WWOX: variants seen among roughly 807,000 people sequenced by gnomAD.
WWOX encodes the protein WW domain containing oxidoreductase, also known as WW domain-containing oxidoreductase.
Under a neutral mutation model 46.2 loss-of-function variants are expected in WWOX, and 69 were observed. That is an observed-to-expected ratio of 1.49 (90% confidence interval 1.23 to 1.82). WWOX has a LOEUF of 1.82. Ranked by LOEUF, WWOX falls within the 40% of genes most tolerant of loss-of-function variation. WWOX has a pLI of 0.00. For missense variants in WWOX, 919 were observed against 542.6 expected (o/e 1.69, Z -6.89); for synonymous variants, 359 against 202.6 (o/e 1.77, Z -6.56).
At chr16:79,057,939 G>A (rs912855203) in intron 8 of WWOX, among the ~76,000 whole-genome samples, 1 of 151,912 alleles carries the variant, frequency 6.6e-6, no homozygotes, top group Non-Finnish European at 1.5e-5. Context: ...ATTATCAGTG[G>A]CCAAATCATT....
rs534243485 is a variant in WWOX, at chr16:79,191,220, A to AT, written c.1057-20380dup. Among the ~76,000 whole-genome samples the AT allele has an allele frequency of 3.6e-3, 552 of 151,390 alleles. 2 individuals are homozygous for AT. Among genetic ancestry groups the AT allele is most frequent in the African/African-American group, 0.012 (486 of 41,342 alleles). On this transcript the variant is annotated intron_variant, in intron 8 of 8. Transcript: ENST00000566780. ...AGGCACCTGCCACCACACCTGGCTA[A>AT]TTTTTTTTGTATTTTAGCAGAGACA...
At chr16:78,934,020 C>T (rs372235114) in intron 8 of WWOX, among the ~76,000 whole-genome samples, 6 of 151,706 alleles carry the variant, frequency 4.0e-5, no homozygotes, top group East Asian at 3.9e-4. Context: ...ATAGAGACAC[C>T]GTCTCTCAAA....
chr16:78,773,065 A>G lies in WWOX; in HGVS notation c.1056+340313A>G, dbSNP rs140185055. Among the ~76,000 whole-genome samples, 832 of 152,242 alleles carry G rather than the reference A, an allele frequency of 5.5e-3. 7 individuals are homozygous for G. Among genetic ancestry groups the G allele is most frequent in the South Asian group, 0.02 (95 of 4,820 alleles). ...AAACAAACAAACAAAAGAAACAAACAAACAAACAAAAAGAAATTAGGTAAC... is the reference window on the plus strand; with the variant it reads ...AAACAAACAAACAAAAGAAACAAACGAACAAACAAAAAGAAATTAGGTAAC... On this transcript the variant is annotated intron_variant, in intron 8 of 8. Transcript: ENST00000566780.
chr16:79,032,728 C>G lies in WWOX; in HGVS notation c.1057-178880C>G, dbSNP rs970329398. Among the ~76,000 whole-genome samples, 6 of 151,188 alleles carry G rather than the reference C, an allele frequency of 4.0e-5. No homozygotes were observed. The East Asian group carries it at 7.7e-4, about 19-fold the overall frequency. On this transcript the variant is annotated intron_variant, in intron 8 of 8. Transcript: ENST00000566780. ...AACTTTCTTGAACTCCTGAACCAGC[C>G]TTAGATTGCCTAGTACCAGGGTTCT...
At chr16:78,941,773 GGTA>G (rs1291261056) in intron 8 of WWOX, among the ~76,000 whole-genome samples, 1 of 152,014 alleles carries the variant, frequency 6.6e-6, no homozygotes, top group Non-Finnish European at 1.5e-5. Context: ...TTTTAAAAAA[GGTA>G]TCATAATCAA....
At chr16:78,870,585 C>G (rs2044105264) in intron 8 of WWOX, among the ~76,000 whole-genome samples, 1 of 152,008 alleles carries the variant, frequency 6.6e-6, no homozygotes. Context: ...TCTTCTCACC[C>G]CTACCAATGT....
chr16:79,043,703 C>T (rs2048014274), intron 8 of WWOX, among the ~76,000 whole-genome samples: 1 of 152,158 alleles, frequency 6.6e-6, no homozygotes, highest in Non-Finnish European at 1.5e-5. Flanking sequence ...ATAGACTGGG[C>T]AGAGGAAGAT....
chr16:79,102,208 A>G (rs1810383997), intron 8 of WWOX, among the ~76,000 whole-genome samples: 1 of 152,142 alleles, frequency 6.6e-6, no homozygotes, highest in Non-Finnish European at 1.5e-5. Flanking sequence ...ATCTTTCTGA[A>G]AGATAACTTG....
At chr16:78,299,796 T>TG (rs1468434061) in intron 5 of WWOX, among the ~76,000 whole-genome samples, 1 of 152,132 alleles carries the variant, frequency 6.6e-6, no homozygotes, top group Non-Finnish European at 1.5e-5. Context: ...CCCAAAGTGC[T>TG]GGGATTACAG....
rs1212321166 is a variant in WWOX at position 78,337,972 on chromosome 16, C to G, written c.517-48888C>G. ...CATCAGTAAGAGACCTCACAAGATG[C>G]TTTATCAGGTCACTTGGCAACCAAG... On this transcript the variant is annotated intron_variant, in intron 5 of 8. Coordinates refer to ENST00000566780, the MANE Select transcript of WWOX (RefSeq NM_016373.4). 7.5e-5 allele frequency among the ~76,000 whole-genome samples: 9 copies of G among 119,994 alleles called. 2 individuals are homozygous for G. 78.7% of individuals were successfully genotyped at this position (119,994 alleles called of 152,430 possible).
Position 78,344,482 on chromosome 16 carries a change from G to C in WWOX, c.517-42378G>C, listed in dbSNP as rs118011799. Among the ~76,000 whole-genome samples the C allele has an allele frequency of 3.3e-5, 4 of 120,946 alleles. 1 individual carries two copies. The highest frequency in any genetic ancestry group is 1.9e-4 in the East Asian group (1 of 5,158). 79.3% of individuals were successfully genotyped at this position (120,946 alleles called of 152,430 possible). ...TCTTATGTTTCTGCTTAGATGGCTG[G>C]GTCTATACCAGGGTTTATTTAAATG... On this transcript the variant is annotated intron_variant, in intron 5 of 8. Transcript: ENST00000566780.
chr16:78,788,304 A>G (rs772632923), intron 8 of WWOX, among the ~76,000 whole-genome samples: 5 of 151,668 alleles, frequency 3.3e-5, no homozygotes, highest in Admixed American at 6.5e-5. Flanking sequence ...CCCTTGTTGC[A>G]GTCTATTGTT....
intron 8 of WWOX, among the ~76,000 whole-genome samples, chr16:78,914,878 CAGAAAA>C (rs2045209128): frequency 1.5e-5 from 1 of 65,678 alleles, no homozygotes. Flanking sequence ...GACTCCGCCT[CAGAAAA>C]AAAAAAAAAA....
At chr16:78,990,314 A>G (rs1044598338) in intron 8 of WWOX, among the ~76,000 whole-genome samples, 6 of 152,004 alleles carry the variant, frequency 3.9e-5, no homozygotes, top group African/African-American at 1.5e-4. Flanking sequence ...CATTGGTTCT[A>G]AGTCATGGGC....
chr16:78,523,338 C>T (rs2043389524), intron 8 of WWOX, among the ~76,000 whole-genome samples: 1 of 152,204 alleles, frequency 6.6e-6, no homozygotes, highest in African/African-American at 2.4e-5. Context: ...CCCTGCTGTA[C>T]CCAGCAAATG....
intron 8 of WWOX, among the ~76,000 whole-genome samples, chr16:78,653,546 C>A (rs972603074): frequency 6.6e-6 from 1 of 152,234 alleles, no homozygotes; most frequent in Admixed American, 6.5e-5. Flanking sequence ...AAAAGAGATA[C>A]ACAGGAAGAG....
chr16:78,391,348 G>T (rs1397034910), intron 6 of WWOX, among the ~76,000 whole-genome samples: 3 of 152,180 alleles, frequency 2.0e-5, no homozygotes, highest in Admixed American at 2.0e-4. Flanking sequence ...TAAGAGTCCT[G>T]CACACTTAAC....
At chr16:79,167,695 A>T (rs1325607409) in intron 8 of WWOX, among the ~76,000 whole-genome samples, 1 of 151,966 alleles carries the variant, frequency 6.6e-6, no homozygotes, top group Non-Finnish European at 1.5e-5. Context: ...GACTTCAAAA[A>T]CCCTTGTATC....
chr16:78,366,285 G>A (rs900912400), intron 5 of WWOX, among the ~76,000 whole-genome samples: 1 of 152,196 alleles, frequency 6.6e-6, no homozygotes, highest in East Asian at 1.9e-4. Flanking sequence ...TTATTTAATA[G>A]AAGACACATT....
Sources: allele counts gnomAD v4.1 joint callset (sites outside exome capture counted in the v4.1 genomes callset), GRCh38; gene constraint gnomAD v4.1.1; transcripts MANE v1.5; gene names NCBI Gene and HGNC (gene_info 2026-07-23, HGNC 2026-07-21).